The following DEFB107B variants were observed in gnomAD, a reference collection of about 807,000 sequenced individuals.
The protein encoded by DEFB107B is beta-defensin 107.
Position 7,508,169 on chromosome 8 carries a change from T to A in DEFB107B, c.71-912T>A, listed in dbSNP as rs1176844309. ...AATTTAAGTGATCTGTAGTTCACAGTATCCCAAGTTCAACTTTGGACTATT... is the reference window on the plus strand; with the variant it reads ...AATTTAAGTGATCTGTAGTTCACAGAATCCCAAGTTCAACTTTGGACTATT... On this transcript the variant is annotated intron_variant, in intron 1 of 1. Transcript: ENST00000355602. 7.9e-5 allele frequency among the ~76,000 whole-genome samples: 11 copies of A among 139,666 alleles called. 1 individual carries two copies. The highest frequency in any genetic ancestry group is 1.4e-4 in the Non-Finnish European group (9 of 65,854). The allele number at this position is 139,666 out of a possible 152,430, so 91.6% of individuals were successfully genotyped here.
chr8:7,508,539 C>A (rs1812006536), intron 1 of DEFB107B, among the ~76,000 whole-genome samples: 1 of 139,506 alleles, frequency 7.2e-6, no homozygotes. Flanking sequence ...GAGCTAAATA[C>A]ACGATTCCAT....
chr8:7,509,171 GC>G lies in DEFB107B; in HGVS notation c.162del (p.Cys55ValfsTer5), dbSNP rs1241777827. 2.5e-6 allele frequency: 1 copy of G among 404,552 alleles called. No individual in the cohort carries two copies. Among genetic ancestry groups the G allele is most frequent in the Non-Finnish European group, 4.1e-6 (1 of 245,278 alleles). 25.1% of individuals were successfully genotyped at this position (404,552 alleles called of 1,614,324 possible). ...ECLTFEVKIG[G>X]CRAELAPFCC... is the part of the protein sequence containing the mutation. ...CTTACCTTTGAAGTAAAGATTGGGGGCTGTAGAGCTGAATTAGCACCATTTT... is the reference window on the plus strand; with the variant it reads ...CTTACCTTTGAAGTAAAGATTGGGGGTGTAGAGCTGAATTAGCACCATTTT... On this transcript the variant is annotated frameshift_variant, in exon 2 of 2. Coordinates refer to ENST00000355602, the MANE Select transcript of DEFB107B (RefSeq NM_001040705.2). LOFTEE classifies it high-confidence loss of function.
intron 1 of DEFB107B, among the ~76,000 whole-genome samples, chr8:7,496,290 C>CTTTTTTTTTTTTTTTTTTTTTTTTTT (rs1171104972): frequency 6.4e-5 from 3 of 46,830 alleles, no homozygotes; most frequent in Non-Finnish European, 7.4e-5. Context: ...TCAGCATATT[C>CTTTTTTTTTTTTTTTTTTTTTTTTTT]TTTTTTTTTT....
chr8:7,496,404 A>T (rs1197350600), intron 1 of DEFB107B, among the ~76,000 whole-genome samples: 1 of 125,354 alleles, frequency 8.0e-6, no homozygotes, highest in Non-Finnish European at 1.6e-5. Flanking sequence ...GGTTCATGCC[A>T]TTCTCCTGCC....
At chr8:7,496,378 C>T (rs1441553806) in intron 1 of DEFB107B, among the ~76,000 whole-genome samples, 1 of 102,660 alleles carries the variant, frequency 9.7e-6, no homozygotes, top group Non-Finnish European at 1.8e-5. Flanking sequence ...TGGCTCACTG[C>T]AAGCTCTGCC....
intron 1 of DEFB107B, among the ~76,000 whole-genome samples, chr8:7,496,378 C>A (rs1441553806): frequency 4.4e-4 from 45 of 102,588 alleles, no homozygotes; most frequent in African/African-American, 1.8e-3. Flanking sequence ...TGGCTCACTG[C>A]AAGCTCTGCC....
chr8:7,496,592 G>T lies in DEFB107B; in HGVS notation c.70+589G>T, dbSNP rs1320927654. Among the ~76,000 whole-genome samples the T allele has an allele frequency of 7.5e-4, 109 of 144,698 alleles. No homozygotes were observed. In the South Asian group the frequency reaches 7.9e-3, roughly 10 times the overall value. 94.9% of individuals were successfully genotyped at this position (144,698 alleles called of 152,430 possible). On this transcript the variant is annotated intron_variant, in intron 1 of 1. Transcript: ENST00000355602. Reference sequence around the variant, plus strand: ...TGGGATTACAGGCATGAGCCACCGCGCCTGGCCAGCATATTCTAAAGTGAT... The same window carrying T: ...TGGGATTACAGGCATGAGCCACCGCTCCTGGCCAGCATATTCTAAAGTGAT...
chr8:7,496,449 G>A (rs1200751372), intron 1 of DEFB107B, among the ~76,000 whole-genome samples: 34 of 150,724 alleles, frequency 2.3e-4, no homozygotes, highest in East Asian at 2.0e-3. Context: ...ACACGCACCC[G>A]CCACCACGCC....
rs1585546290 is a variant in DEFB107B at position 7,506,896 on chromosome 8, T to A, written c.71-2185T>A. Among the ~76,000 whole-genome samples, 2 of 13,258 alleles carry A rather than the reference T, an allele frequency of 1.5e-4. 1 individual carries two copies. 8.7% of individuals were successfully genotyped at this position (13,258 alleles called of 152,430 possible). ...CAACTGCAAGAGGCATTCCTTCCTC[T>A]TTTACTAATCCTCCTCAGCACAGAC... On this transcript the variant is annotated intron_variant, in intron 1 of 1. Coordinates refer to ENST00000355602, the MANE Select transcript of DEFB107B (RefSeq NM_001040705.2).
At chr8:7,497,458 G>A (rs1267596046) in intron 1 of DEFB107B, among the ~76,000 whole-genome samples, 1 of 151,500 alleles carries the variant, frequency 6.6e-6, no homozygotes, top group Admixed American at 6.6e-5. Context: ...ATGCAGAAAG[G>A]CTTCCTGGGA....
intron 1 of DEFB107B, among the ~76,000 whole-genome samples, chr8:7,507,872 C>G (rs1251696248): frequency 1.4e-5 from 2 of 146,200 alleles, no homozygotes; most frequent in Non-Finnish European, 1.5e-5. Flanking sequence ...CCAGCTAAAC[C>G]CAGAGGTTCT....
intron 1 of DEFB107B, among the ~76,000 whole-genome samples, chr8:7,497,631 A>T (rs1389876283): frequency 6.6e-6 from 1 of 151,856 alleles, no homozygotes; most frequent in African/African-American, 2.4e-5. Flanking sequence ...GATGTCAGAC[A>T]ATGCTCCAGA....
chr8:7,496,919 T>C (rs1239469189), intron 1 of DEFB107B, among the ~76,000 whole-genome samples: 3 of 110,868 alleles, frequency 2.7e-5, no homozygotes, highest in Admixed American at 2.1e-4. Flanking sequence ...AGATTCTCTT[T>C]GCTTCATACA....
At position 7,509,256 on chromosome 8, in the gene DEFB107B, TG is replaced by T. The variant is rs1427011219; in HGVS notation, c.*34del. ...GCACCAGCTGCAAGAAACAAAGAGG[TG>T]AAGATTCTCTGGCTGCGATATCAGT... On this transcript the variant is annotated 3_prime_UTR_variant, in exon 2 of 2. Coordinates refer to ENST00000355602, the MANE Select transcript of DEFB107B (RefSeq NM_001040705.2). The T allele has an allele frequency of 1.1e-5, 3 of 266,004 alleles. No homozygotes were observed. In the Admixed American group the frequency reaches 1.7e-4, roughly 16 times the overall value. The allele number at this position is 266,004 out of a possible 1,614,324, so 16.5% of individuals were successfully genotyped here.
chr8:7,496,871 C>T (rs1467232909), intron 1 of DEFB107B, among the ~76,000 whole-genome samples: 8 of 104,130 alleles, frequency 7.7e-5, no homozygotes, highest in African/African-American at 3.2e-4. Context: ...ACTAAACTAA[C>T]ATCTTGCTTA....
At chr8:7,508,079 A>ATG (rs200848932) in intron 1 of DEFB107B, among the ~76,000 whole-genome samples, 4 of 28,070 alleles carry the variant, frequency 1.4e-4, no homozygotes, top group Non-Finnish European at 1.6e-4. Flanking sequence ...ATATATATAT[A>ATG]TATATGTGTG....
rs1351528014 is a variant in DEFB107B at position 7,506,431 on chromosome 8, G to A, written c.71-2650G>A. Among the ~76,000 whole-genome samples the A allele has an allele frequency of 1.4e-3, 21 of 14,970 alleles. 10 individuals carry two copies. Among genetic ancestry groups the A allele is most frequent in the Admixed American group, 5.2e-3 (7 of 1,336 alleles). The allele number at this position is 14,970 out of a possible 152,430, so 9.8% of individuals were successfully genotyped here. On this transcript the variant is annotated intron_variant, in intron 1 of 1. Coordinates refer to ENST00000355602, the MANE Select transcript of DEFB107B (RefSeq NM_001040705.2). ...GTGGGTGTTTCTTGTAAGGTGGGAC[G>A]AGAGATTTGGAAAAGAAAAAGACAC...
At chr8:7,496,429 A>C (rs1811739839) in intron 1 of DEFB107B, among the ~76,000 whole-genome samples, 2 of 146,982 alleles carry the variant, frequency 1.4e-5, no homozygotes, top group Admixed American at 6.9e-5. Context: ...CCTCCCGAGT[A>C]GCTGGGACTA....
chr8:7,499,268 T>C (rs1205008614), intron 1 of DEFB107B, among the ~76,000 whole-genome samples: 1 of 24,770 alleles, frequency 4.0e-5, no homozygotes, highest in Non-Finnish European at 1.6e-4. Flanking sequence ...AACGATGTTC[T>C]AAGCTCATGA....
Sources: allele counts gnomAD v4.1 joint callset (sites outside exome capture counted in the v4.1 genomes callset), GRCh38; gene constraint gnomAD v4.1.1; transcripts MANE v1.5; gene names NCBI Gene and HGNC (gene_info 2026-07-23, HGNC 2026-07-21).